THOC3: variants seen among roughly 807,000 people sequenced by gnomAD.
THOC3 encodes THO complex subunit 3, also known as TEX1 homolog.
Under a neutral mutation model 23.3 loss-of-function variants are expected in THOC3, and 4 were observed. The observed-to-expected ratio is 0.17, with a 90% confidence interval of 0.08 to 0.39. The LOEUF is 0.39. Ranked by LOEUF, THOC3 falls within the 10% of genes least tolerant of loss-of-function variation. The probability of loss-of-function intolerance (pLI) is 1.00; values close to 1 mark genes in which losing one functional copy is unlikely to be tolerated. For missense variants in THOC3, 64 were observed against 359.4 expected, an observed-to-expected ratio of 0.18 and a Z score of 6.65; for synonymous variants, 27 against 141.5, an observed-to-expected ratio of 0.19 and a Z score of 5.74.
intron 1 of THOC3, chr5:175,967,561 C>CACCACCACCCACGT: frequency 5.1e-6 from 1 of 195,548 alleles, no homozygotes; most frequent in South Asian, 6.0e-5. Context: ...ACCAACGTAC[C>CACCACCACCCACGT]ACCACCACCA....
intron 1 of THOC3, among the ~76,000 whole-genome samples, 157 bp downstream of exon 1, chr5:175,967,785 A>C (rs1581131518): frequency 1.9e-4 from 16 of 86,110 alleles, no homozygotes; most frequent in Middle Eastern, 5.6e-3. Context: ...CCTTCTCCCT[A>C]CTCCCTCCTC....
At chr5:175,962,508 G>A (rs933704540) in intron 3 of THOC3, among the ~76,000 whole-genome samples, 3 of 109,952 alleles carry the variant, frequency 2.7e-5, no homozygotes, top group East Asian at 4.2e-4. Flanking sequence ...CTCAGTAAAA[G>A]AATGTAAGGC....
chr5:175,964,374 G>A (rs1475255646), intron 3 of THOC3, among the ~76,000 whole-genome samples: 4 of 152,372 alleles, frequency 2.6e-5, no homozygotes, highest in African/African-American at 7.2e-5. Context: ...TTAAGAGTAC[G>A]AATTAGCCAG....
chr5:175,968,066 G>A lies in THOC3; in HGVS notation c.143C>T (p.Thr48Met). The A allele has an allele frequency of 1.2e-6, 2 of 1,611,604 alleles. No homozygotes were observed. The highest frequency in any genetic ancestry group is 2.2e-5 in the South Asian group (2 of 90,924). The change falls in exon 1 of 6, where the codon ACG becomes ATG. Residue 48 changes from threonine (T) to methionine (M), a missense_variant. Physicochemically the swap from Thr to Met is moderately conservative, Grantham distance 81. Transcript: ENST00000265097. The part of the protein sequence containing the change: ...MQELFRGHSK[T>M]REFLAHSAKV... ...GGCGCTGTGCGCCAGGAACTCGCGC[G>A]TCTTGCTGTGGCCCCGGAACAGCTC...
Position 175,966,492 on chromosome 5 carries a change from G to GT in THOC3, c.424+618dup, listed in dbSNP as rs1166364533. On this transcript the variant is annotated intron_variant, in intron 2 of 5. Coordinates refer to ENST00000265097, the MANE Select transcript of THOC3 (RefSeq NM_032361.4). ...TTTCTCACATTTTAGTATCTACACTGTATCTTAAAATGTATCAGAAAGCAT... is the reference window on the plus strand; with the variant it reads ...TTTCTCACATTTTAGTATCTACACTGTTATCTTAAAATGTATCAGAAAGCAT... Among the ~76,000 whole-genome samples the GT allele has an allele frequency of 2.7e-5, 4 of 150,346 alleles. No homozygotes were observed. The East Asian group carries it at 7.8e-4, about 29-fold the overall frequency.
intron 3 of THOC3, among the ~76,000 whole-genome samples, chr5:175,963,487 T>C (rs1189035017): frequency 2.1e-5 from 3 of 141,000 alleles, no homozygotes; most frequent in African/African-American, 7.9e-5. Context: ...AAGGAAGTTG[T>C]AATTAGGACA....
At chr5:175,960,809 TAGTTTAA>T in intron 5 of THOC3, 2 of 594,684 alleles carry the variant, frequency 3.4e-6, no homozygotes, top group South Asian at 4.0e-5. Context: ...TTCTACTCTG[TAGTTTAA>T]AGTTTAAATA....
chr5:175,965,863 AT>A (rs1756757418), intron 2 of THOC3, among the ~76,000 whole-genome samples: 1 of 152,192 alleles, frequency 6.6e-6, no homozygotes, highest in East Asian at 1.9e-4. Context: ...TTTATTCAAG[AT>A]TTTTCTTAAA....
chr5:175,968,010 C>G lies in THOC3; in HGVS notation c.199G>C (p.Gly67Arg). The G allele has an allele frequency of 5.0e-6, 8 of 1,609,182 alleles. No individual in the cohort carries two copies. The South Asian group carries it at 8.8e-5, about 18-fold the overall frequency. The change falls in exon 1 of 6, where the codon GGG (glycine) becomes CGG (arginine). Residue 67 changes from glycine to arginine, a missense_variant. By Grantham distance (125) the Gly-to-Arg change is moderately radical. Transcript: ENST00000265097. Reference protein sequence around the residue: ...KVHSVAWSCDGRRLASGSFDK... With the variant: ...KVHSVAWSCDRRRLASGSFDK... The stretch of plus-strand genomic sequence containing the variant: ...AAGGACCCCGAGGCTAGGCGACGCC[C>G]GTCGCAACTCCAGGCCACCGAGTGC...
At chr5:175,963,794 TCCC>T (rs1756711338) in intron 3 of THOC3, among the ~76,000 whole-genome samples, 2 of 150,442 alleles carry the variant, frequency 1.3e-5, no homozygotes, top group East Asian at 3.9e-4. Context: ...CTGCCACCAC[TCCC>T]CCAACAACCC....
At chr5:175,965,523 C>CA in intron 2 of THOC3, among the ~76,000 whole-genome samples, 1 of 152,272 alleles carries the variant, frequency 6.6e-6, no homozygotes, top group Non-Finnish European at 1.5e-5. Flanking sequence ...CTCCTGGGTT[C>CA]ACGCCATTCT....
intron 3 of THOC3, among the ~76,000 whole-genome samples, chr5:175,961,709 G>C (rs537158313): frequency 6.6e-6 from 1 of 152,288 alleles, no homozygotes; most frequent in Admixed American, 6.5e-5. Context: ...TGGGCTTTCT[G>C]ACAGCAACAC....
intron 3 of THOC3, among the ~76,000 whole-genome samples, chr5:175,964,587 G>T (rs1756729890): frequency 6.7e-6 from 1 of 148,594 alleles, no homozygotes; most frequent in African/African-American, 2.5e-5. Context: ...TTGCACTGCA[G>T]CCTGGGCAAC....
At chr5:175,966,141 C>T (rs1756762510) in intron 2 of THOC3, among the ~76,000 whole-genome samples, 2 of 151,248 alleles carry the variant, frequency 1.3e-5, no homozygotes, top group South Asian at 4.2e-4. Context: ...TATTGTGCCA[C>T]TGTACTCCAT....
chr5:175,962,585 T>C (rs1053388142), intron 3 of THOC3, among the ~76,000 whole-genome samples: 5 of 146,250 alleles, frequency 3.4e-5, no homozygotes, highest in Non-Finnish European at 7.5e-5. Context: ...AGTGCAGTGG[T>C]GCAATCTAAA....
intron 3 of THOC3, among the ~76,000 whole-genome samples, chr5:175,962,004 T>C (rs1166216860): frequency 2.7e-5 from 4 of 149,424 alleles, no homozygotes; most frequent in Non-Finnish European, 5.9e-5. Context: ...TGCTCAACAC[T>C]GAATATACAG....
intron 2 of THOC3, among the ~76,000 whole-genome samples, chr5:175,966,814 T>C (rs1273242315): frequency 1.3e-5 from 2 of 150,762 alleles, no homozygotes; most frequent in African/African-American, 4.9e-5. Flanking sequence ...ACCCTAAAAG[T>C]TTGCTCAAAT....
rs1464001168 is a variant in THOC3 at position 175,965,071 on chromosome 5, G to A, written c.509C>T (p.Ala170Val). The stretch of plus-strand genomic sequence containing the variant: ...TTCTGCTTTGGAACGGTGTGTCTTG[G>A]CATCAATAAAGGTCACCACATCATC... ...NKDDVVTFID[A>V]KTHRSKAEEQ... Residue 170 changes from alanine to valine, a missense_variant, in exon 3 of 6, where the codon GCC becomes GTC. Transcript: ENST00000265097. 4 of 1,584,176 alleles carry A rather than the reference G, an allele frequency of 2.5e-6. No homozygotes were observed. In the African/African-American group the frequency reaches 5.5e-5, roughly 22 times the overall value.
At chr5:175,965,640 T>G (rs1756750916) in intron 2 of THOC3, among the ~76,000 whole-genome samples, 1 of 152,212 alleles carries the variant, frequency 6.6e-6, no homozygotes, top group Admixed American at 6.5e-5. Context: ...TTAGCCAGGA[T>G]GGTCTCGATC....
Sources: allele counts gnomAD v4.1 joint callset (sites outside exome capture counted in the v4.1 genomes callset), GRCh38; gene constraint gnomAD v4.1.1; transcripts MANE v1.5; gene names NCBI Gene and HGNC (gene_info 2026-07-23, HGNC 2026-07-21).